Variants in CLSTN2 observed in about 807,000 individuals in gnomAD.
CLSTN2 encodes calsyntenin 2, also known as calsyntenin-2.
Under a neutral mutation model 101.2 loss-of-function variants are expected in CLSTN2, and 48 were observed. The observed-to-expected ratio is 0.47, with a 90% CI of 0.38 to 0.60. The LOEUF is 0.60. Among genes scored for constraint, CLSTN2 ranks in the 20% least tolerant of loss-of-function variants. The pLI is 0.00. For synonymous variants in CLSTN2, 481 were observed against 463.6 expected (o/e 1.04, Z -0.48); for missense variants, 1,160 against 1,238.2 (o/e 0.94, Z 0.95).
chr3:140,039,340 G>A (rs2007717950), intron 1 of CLSTN2, among the ~76,000 whole-genome samples: 1 of 152,088 alleles, frequency 6.6e-6, no homozygotes. Context: ...AAAAAAAACA[G>A]CAATCACTTT....
At chr3:139,952,613 A>G (rs1483635995) in intron 1 of CLSTN2, among the ~76,000 whole-genome samples, 1 of 152,206 alleles carries the variant, frequency 6.6e-6, no homozygotes, top group Non-Finnish European at 1.5e-5. Context: ...TACCTATGAC[A>G]GCCAGACAAA....
At chr3:140,273,017 C>T (rs186673600) in intron 2 of CLSTN2, among the ~76,000 whole-genome samples, 3 of 152,132 alleles carry the variant, frequency 2.0e-5, no homozygotes, top group Non-Finnish European at 4.4e-5. Flanking sequence ...TATTCAGAGT[C>T]AGACAAAGAA....
intron 1 of CLSTN2, among the ~76,000 whole-genome samples, chr3:139,939,964 A>G (rs1935098158): frequency 6.6e-6 from 1 of 152,160 alleles, no homozygotes. Flanking sequence ...CTAGTAGGTC[A>G]CCTTCCTCAG....
chr3:140,173,821 A>T (rs1185694604), intron 1 of CLSTN2, among the ~76,000 whole-genome samples: 1 of 152,156 alleles, frequency 6.6e-6, no homozygotes, highest in Non-Finnish European at 1.5e-5. Context: ...GCTGGGATGC[A>T]GGGCACCAAG....
intron 1 of CLSTN2, among the ~76,000 whole-genome samples, chr3:140,153,956 A>G (rs2009909143): frequency 6.6e-6 from 1 of 152,184 alleles, no homozygotes; most frequent in Non-Finnish European, 1.5e-5. Flanking sequence ...GACTCAGCAT[A>G]TATTTATTGA....
intron 12 of CLSTN2, among the ~76,000 whole-genome samples, chr3:140,561,815 C>A (rs1031466996): frequency 6.6e-6 from 1 of 152,130 alleles, no homozygotes; most frequent in Non-Finnish European, 1.5e-5. Flanking sequence ...CCCTTGCCTG[C>A]CTTATAGATG....
chr3:140,158,642 C>A (rs1193708028), intron 1 of CLSTN2, among the ~76,000 whole-genome samples: 2 of 152,048 alleles, frequency 1.3e-5, no homozygotes, highest in African/African-American at 2.4e-5. Context: ...AACACTATAT[C>A]AAACTACCAA....
chr3:140,318,424 G>A (rs1053944879), intron 2 of CLSTN2, among the ~76,000 whole-genome samples: 1 of 152,152 alleles, frequency 6.6e-6, no homozygotes, highest in Non-Finnish European at 1.5e-5. Context: ...CAGACAAAGG[G>A]CGATGTCAGG....
chr3:140,555,483 G>C (rs1576625163), intron 10 of CLSTN2, among the ~76,000 whole-genome samples: 1 of 152,158 alleles, frequency 6.6e-6, no homozygotes, highest in East Asian at 1.9e-4. Context: ...GTGGATGGGA[G>C]ATAGAAATGA....
chr3:140,036,699 G>A (rs1467235361), intron 1 of CLSTN2, among the ~76,000 whole-genome samples: 1 of 151,576 alleles, frequency 6.6e-6, no homozygotes, highest in Non-Finnish European at 1.5e-5. Context: ...CTGTTGTTCT[G>A]ATCACATCAG....
chr3:140,517,572 A>G (rs924953615), intron 8 of CLSTN2, among the ~76,000 whole-genome samples: 2 of 152,032 alleles, frequency 1.3e-5, no homozygotes, highest in Non-Finnish European at 2.9e-5. Context: ...ACCAAATTGC[A>G]GTGATTATTA....
intron 2 of CLSTN2, among the ~76,000 whole-genome samples, chr3:140,306,278 G>C (rs948663725): frequency 6.6e-6 from 1 of 152,096 alleles, no homozygotes; most frequent in South Asian, 2.1e-4. Flanking sequence ...CCAATGAATC[G>C]CATGCCATGA....
At chr3:140,123,174 T>TG (rs1164753664) in intron 1 of CLSTN2, among the ~76,000 whole-genome samples, 5 of 32,748 alleles carry the variant, frequency 1.5e-4, no homozygotes, top group Admixed American at 1.2e-3. Context: ...GGCGGGGGGG[T>TG]GGGGGGCGGG....
Position 140,490,558 on chromosome 3 carries a change from G to A in CLSTN2, c.1344+23827G>A, listed in dbSNP as rs149323261. On this transcript the variant is annotated intron_variant, in intron 8 of 16. Transcript: ENST00000458420. ...TGCAGTGAGCTGAGATTGTGCCACTGTACTCCATCCTGGGTGACAGAGCGA... is the reference window on the plus strand; with the variant it reads ...TGCAGTGAGCTGAGATTGTGCCACTATACTCCATCCTGGGTGACAGAGCGA... Among the ~76,000 whole-genome samples the A allele has an allele frequency of 3.4e-3, 482 of 142,180 alleles. 4 individuals carry two copies. Among genetic ancestry groups the A allele is most frequent in the African/African-American group, 0.012 (448 of 38,490 alleles). The allele number at this position is 142,180 out of a possible 152,430, so 93.3% of individuals were successfully genotyped here.
intron 1 of CLSTN2, among the ~76,000 whole-genome samples, chr3:140,147,021 C>A (rs933263512): frequency 2.6e-5 from 4 of 152,170 alleles, no homozygotes; most frequent in Non-Finnish European, 5.9e-5. Flanking sequence ...ATCTGTTGAA[C>A]AAATTAATGA....
At chr3:140,144,012 T>A (rs1470553661) in intron 1 of CLSTN2, among the ~76,000 whole-genome samples, 3 of 152,224 alleles carry the variant, frequency 2.0e-5, no homozygotes, top group African/African-American at 7.2e-5. Flanking sequence ...CGGATAAAAT[T>A]AACAGAAGCC....
chr3:140,375,367 A>G (rs2087905245), intron 2 of CLSTN2, among the ~76,000 whole-genome samples: 1 of 152,178 alleles, frequency 6.6e-6, no homozygotes, highest in African/African-American at 2.4e-5. Flanking sequence ...ACCCCTTGCT[A>G]TGGGTTGGCA....
chr3:140,408,719 C>T (rs1477162868), intron 4 of CLSTN2, among the ~76,000 whole-genome samples: 1 of 152,134 alleles, frequency 6.6e-6, no homozygotes, highest in Non-Finnish European at 1.5e-5. Context: ...TGTAGACACC[C>T]CAACCCAGGA....
chr3:140,345,151 A>C (rs916459807), intron 2 of CLSTN2, among the ~76,000 whole-genome samples: 3 of 151,518 alleles, frequency 2.0e-5, no homozygotes, highest in African/African-American at 7.3e-5. Context: ...TTTTCCTTAC[A>C]TGAGGAGTAG....
Sources: gnomAD v4.1 joint callset for allele counts (sites outside exome capture counted in the v4.1 genomes callset) on GRCh38, gnomAD v4.1.1 for gene constraint, MANE v1.5 for transcripts, NCBI Gene and HGNC (gene_info 2026-07-23, HGNC 2026-07-21) for gene names.